The following NDRG4 variants were observed in gnomAD, a reference collection of about 807,000 sequenced individuals.
NDRG4 encodes NDRG family member 4.
A neutral mutation model predicts 55.8 loss-of-function variants in NDRG4; 38 were observed. The ratio of observed to expected loss-of-function variants is 0.68; its 90% confidence interval spans 0.53 to 0.89. NDRG4 has a LOEUF of 0.89. Among genes scored for constraint, NDRG4 ranks in the 40% least tolerant of loss-of-function variants. The probability of loss-of-function intolerance (pLI) is 0.00; values close to 1 mark genes in which losing one functional copy is unlikely to be tolerated. For synonymous variants in NDRG4, 190 were observed against 182.7 expected (o/e 1.04, Z -0.32); for missense variants, 455 against 468.6 (o/e 0.97, Z 0.27).
In NDRG4 at chr16:58,511,730, C is replaced by T. The variant is rs546415452; in HGVS notation, c.*154C>T. 2.2e-6 allele frequency: 2 copies of T among 921,732 alleles called. No homozygotes were observed. Among genetic ancestry groups the T allele is most frequent in the East Asian group, 2.6e-5 (1 of 38,016 alleles). The allele number at this position is 921,732 out of a possible 1,614,324, so 57.1% of individuals were successfully genotyped here. ...GGGGATCTTAGATGCTGCAGCAGAA[C>T]AGTCTCCAGGTGTTTTAAGGGGCTC... On this transcript the variant is annotated 3_prime_UTR_variant, in exon 15 of 15. Transcript: ENST00000570248.
intron 3 of NDRG4, chr16:58,495,113 C>T (rs2036249722): frequency 1.2e-5 from 13 of 1,129,976 alleles, no homozygotes; most frequent in Non-Finnish European, 1.7e-5. Context: ...TGTGTGCCCC[C>T]TGCCTAACAG....
At chr16:58,498,432 C>T (rs933129901), upstream of NDRG4, among the ~76,000 whole-genome samples, 3 of 152,098 alleles carry the variant, frequency 2.0e-5, no homozygotes, top group South Asian at 2.1e-4. Flanking sequence ...TAGCAGGTGT[C>T]GACCAGGTCA....
intron 1 of NDRG4, 199 bp from the exon 2 acceptor site, chr16:58,503,599 C>T: frequency 9.8e-7 from 1 of 1,024,142 alleles, no homozygotes; most frequent in Non-Finnish European, 1.5e-6. Context: ...TTCACATTGT[C>T]TCTGTACTGA....
At chr16:58,503,976 C>T (rs1025168153) in intron 2 of NDRG4, 73 bp downstream of exon 2, 1 of 1,563,860 alleles carries the variant, frequency 6.4e-7, no homozygotes, top group Non-Finnish European at 8.8e-7. Context: ...CCCCACCCTC[C>T]CCACAGGGCC....
chr16:58,487,050 T>C (rs2035180944), intron 1 of NDRG4, among the ~76,000 whole-genome samples: 1 of 146,272 alleles, frequency 6.8e-6, no homozygotes, highest in South Asian at 2.2e-4. Flanking sequence ...AGAACCCCAC[T>C]GTCCCCTTCA....
chr16:58,511,131 A>C, intron 14 of NDRG4: 1 of 500,584 alleles, frequency 2.0e-6, no homozygotes, highest in South Asian at 2.9e-5. Flanking sequence ...AAACAGTCCT[A>C]CTTCTCCACT....
intron 1 of NDRG4, 147 bp downstream of exon 1, chr16:58,500,416 GC>G: frequency 2.7e-6 from 3 of 1,111,728 alleles, no homozygotes; most frequent in Non-Finnish European, 3.7e-6. Context: ...CTGAGACACG[GC>G]CAGAGTGCTC....
intron 1 of NDRG4, among the ~76,000 whole-genome samples, chr16:58,477,724 A>G (rs536152191): frequency 4.6e-5 from 7 of 151,956 alleles, no homozygotes; most frequent in African/African-American, 1.7e-4. Flanking sequence ...CACCAAAGTA[A>G]TAATTGCTGT....
intron 10 of NDRG4, among the ~76,000 whole-genome samples, chr16:58,508,231 G>A (rs1388216635): frequency 6.6e-6 from 1 of 152,198 alleles, no homozygotes; most frequent in Non-Finnish European, 1.5e-5. Context: ...GGCCAGGGCT[G>A]GGCCATCAGA....
chr16:58,464,583 A>T lies in NDRG4; in HGVS notation c.-24+786A>T, dbSNP rs1429504155. The T allele has an allele frequency of 2.8e-5, 29 of 1,025,124 alleles. No individual in the cohort carries two copies. In the East Asian group the frequency reaches 9.5e-4, roughly 34 times the overall value. The allele number at this position is 1,025,124 out of a possible 1,614,324, so 63.5% of individuals were successfully genotyped here. On this transcript the variant is annotated intron_variant, in intron 1 of 15. Transcript: ENST00000258187. The surrounding 1 kb of genome is among the most constrained non-coding windows in gnomAD (Gnocchi z 4.8). ...TGAGCAGGAAGGGGTGCGGACCCCA[A>T]CTAAGTCCTAGTTTTGTGCTACCTG...
chr16:58,464,559 G>T lies in NDRG4; in HGVS notation c.-24+762G>T. On this transcript the variant is annotated intron_variant, in intron 1 of 15. Transcript: ENST00000258187. This position sits in a 1 kb window ranked among gnomAD's most constrained non-coding sequence, Gnocchi z 4.8. ...CCGGGGACTGGGGCGGCTCGGGTCTGAGCAGGAAGGGGTGCGGACCCCAAC... is the reference window on the plus strand; with the variant it reads ...CCGGGGACTGGGGCGGCTCGGGTCTTAGCAGGAAGGGGTGCGGACCCCAAC... The T allele has an allele frequency of 8.5e-7, 1 of 1,171,306 alleles. No homozygotes were observed. The highest frequency in any genetic ancestry group is 2.7e-5 in the South Asian group (1 of 36,556). 72.6% of individuals were successfully genotyped at this position (1,171,306 alleles called of 1,614,324 possible).
chr16:58,467,803 A>ACGT (rs2031984561), intron 1 of NDRG4, among the ~76,000 whole-genome samples: 1 of 152,148 alleles, frequency 6.6e-6, no homozygotes, highest in Non-Finnish European at 1.5e-5. Context: ...CGTGTGCAAG[A>ACGT]CGTCGAGTGC....
chr16:58,478,357 C>T (rs554258753), intron 1 of NDRG4, among the ~76,000 whole-genome samples: 9 of 150,998 alleles, frequency 6.0e-5, no homozygotes, highest in African/African-American at 1.7e-4. Flanking sequence ...CCATTGCACT[C>T]CAGCCTGGGC....
rs1007466556 is a variant in NDRG4 at position 58,508,145 on chromosome 16, A to C, written c.729+146A>C. ...CGGTGGGCTTCTTGTCCACTTTCCC[A>C]CAGTCTTGCCAAGCCTCACATCTGG... is the stretch of plus-strand genomic sequence containing the variant. On this transcript the variant is annotated intron_variant, in intron 10 of 14. Transcript: ENST00000570248. 7 of 693,994 alleles carry C rather than the reference A, an allele frequency of 1.0e-5. No individual in the cohort carries two copies. In the African/African-American group the frequency reaches 1.3e-4, roughly 13 times the overall value. The allele number at this position is 693,994 out of a possible 1,614,324, so 43.0% of individuals were successfully genotyped here.
At chr16:58,487,654 G>A in intron 1 of NDRG4, 1 of 879,296 alleles carries the variant, frequency 1.1e-6, no homozygotes, top group Non-Finnish European at 1.7e-6. Flanking sequence ...GGGGGACAGT[G>A]CATCTGGTTT....
chr16:58,503,205 G>A (rs750360144), intron 1 of NDRG4, among the ~76,000 whole-genome samples: 1 of 152,180 alleles, frequency 6.6e-6, no homozygotes, highest in Non-Finnish European at 1.5e-5. Flanking sequence ...GGGGAGGGGG[G>A]TCTGACCCGG....
chr16:58,468,835 C>T lies in NDRG4; in HGVS notation c.-24+5038C>T, dbSNP rs535469655. 1.1e-4 allele frequency among the ~76,000 whole-genome samples: 17 copies of T among 152,212 alleles called. No individual in the cohort carries two copies. The East Asian group carries it at 1.9e-3, about 17-fold the overall frequency. On this transcript the variant is annotated intron_variant, in intron 1 of 15. Coordinates refer to the NDRG4 transcript ENST00000258187. Reference sequence around the variant, plus strand: ...GCAGATTCCTGGTGCCTTCGGTAGCCGGATGATTTTTTTATTTTTTAGTGT... The same window carrying T: ...GCAGATTCCTGGTGCCTTCGGTAGCTGGATGATTTTTTTATTTTTTAGTGT...
At chr16:58,479,555 C>G (rs1309374366) in intron 1 of NDRG4, among the ~76,000 whole-genome samples, 1 of 152,208 alleles carries the variant, frequency 6.6e-6, no homozygotes, top group Non-Finnish European at 1.5e-5. Flanking sequence ...AACCCACTGC[C>G]ATCCAGCCAG....
intron 1 of NDRG4, among the ~76,000 whole-genome samples, chr16:58,474,304 A>G (rs2033316305): frequency 2.0e-5 from 3 of 151,840 alleles, no homozygotes; most frequent in Admixed American, 2.0e-4. Context: ...TAGCCTCCCA[A>G]AGTGCTGGGA....
Sources: allele counts gnomAD v4.1 joint callset (sites outside exome capture counted in the v4.1 genomes callset), GRCh38; gene constraint gnomAD v4.1.1; non-coding constraint Gnocchi (gnomAD v3.1); transcripts MANE v1.5; gene names NCBI Gene and HGNC (gene_info 2026-07-23, HGNC 2026-07-21).